Variants in PTPRD observed in about 807,000 individuals in gnomAD.
PTPRD encodes protein tyrosine phosphatase receptor type D.
PTPRD carries 34 observed loss-of-function variants against 214.5 expected under a neutral mutation model. That is an observed-to-expected ratio of 0.16 (90% CI 0.12 to 0.21). PTPRD has a LOEUF of 0.21. Among genes scored for constraint, PTPRD ranks in the 10% least tolerant of loss-of-function variants. The probability of loss-of-function intolerance (pLI) is 1.00; values close to 1 mark genes in which losing one functional copy is unlikely to be tolerated. For missense variants in PTPRD, 2,545 were observed against 2,398.7 expected, an observed-to-expected ratio of 1.06 and a Z score of -1.27; for synonymous variants, 1,128 against 845.7, an observed-to-expected ratio of 1.33 and a Z score of -5.79.
intron 4 of PTPRD, among the ~76,000 whole-genome samples, chr9:9,978,607 G>A (rs35339920): frequency 0.15 from 23,320 of 151,980 alleles, 2,228 homozygotes; most frequent in African/African-American, 0.25. Context: ...CTTCAGTCCC[G>A]CAGAAAGAAC....
At chr9:9,847,622 G>C (rs984468164) in intron 5 of PTPRD, among the ~76,000 whole-genome samples, 1 of 152,124 alleles carries the variant, frequency 6.6e-6, no homozygotes, top group East Asian at 1.9e-4. Context: ...AGTTAGCTAA[G>C]TACTCTCAAC....
intron 11 of PTPRD, among the ~76,000 whole-genome samples, chr9:8,903,020 G>T (rs2098682350): frequency 6.6e-6 from 1 of 152,058 alleles, no homozygotes; most frequent in Admixed American, 6.6e-5. Context: ...ATCTTATTTT[G>T]TTCAAATTAT....
At chr9:8,733,755 C>T (rs1386634856) in intron 12 of PTPRD, 25 bp downstream of exon 12, 5 of 1,551,484 alleles carry the variant, frequency 3.2e-6, no homozygotes, top group Non-Finnish European at 4.4e-6. Context: ...GTCACAGCCC[C>T]CTAGAGAAGG....
At chr9:9,794,132 C>T (rs899441185) in intron 5 of PTPRD, among the ~76,000 whole-genome samples, 5 of 149,376 alleles carry the variant, frequency 3.3e-5, no homozygotes, top group African/African-American at 1.2e-4. Flanking sequence ...TCTATTAAAA[C>T]AATACAATGA....
At chr9:9,524,690 A>C (rs994850789) in intron 8 of PTPRD, among the ~76,000 whole-genome samples, 42 of 152,298 alleles carry the variant, frequency 2.8e-4, no homozygotes, top group Middle Eastern at 3.4e-3. Flanking sequence ...TTTTGTCTTT[A>C]TTGATCCTGA....
chr9:9,938,478 A>G (rs946936495), intron 5 of PTPRD, 29 bp downstream of exon 5: 1 of 152,134 alleles, frequency 6.6e-6, no homozygotes, highest in African/African-American at 2.4e-5. Flanking sequence ...GTCATGGGAA[A>G]CTAGCATACC....
intron 3 of PTPRD, among the ~76,000 whole-genome samples, chr9:10,324,729 T>C (rs1264299746): frequency 2.0e-5 from 3 of 152,072 alleles, no homozygotes; most frequent in Non-Finnish European, 4.4e-5. Flanking sequence ...CTCAGTCTTT[T>C]TGTATAACCA....
chr9:8,966,435 C>T (rs1235967840), intron 11 of PTPRD, among the ~76,000 whole-genome samples: 1 of 150,180 alleles, frequency 6.7e-6, no homozygotes, highest in Non-Finnish European at 1.5e-5. Flanking sequence ...AAAAAAGCAA[C>T]AAAAAACAGA....
At chr9:9,966,538 TCTCC>T (rs75836171) in intron 4 of PTPRD, among the ~76,000 whole-genome samples, 6,067 of 152,224 alleles carry the variant, frequency 0.04, 144 homozygotes, top group Non-Finnish European at 0.058. Context: ...AAAATAAGGA[TCTCC>T]ACAAAAAGAT....
At chr9:10,487,181 G>C (rs935528032) in intron 2 of PTPRD, among the ~76,000 whole-genome samples, 2 of 151,930 alleles carry the variant, frequency 1.3e-5, no homozygotes, top group Non-Finnish European at 2.9e-5. Context: ...CAGTCTATGG[G>C]TACCCTTATA....
intron 2 of PTPRD, among the ~76,000 whole-genome samples, chr9:10,565,049 A>G (rs1161991124): frequency 2.0e-5 from 3 of 152,108 alleles, no homozygotes; most frequent in Admixed American, 6.6e-5. Flanking sequence ...CTAATGTAGC[A>G]TATTTTTTAT....
chr9:10,131,530 C>T (rs1192659331), intron 3 of PTPRD, among the ~76,000 whole-genome samples: 1 of 152,152 alleles, frequency 6.6e-6, no homozygotes, highest in Non-Finnish European at 1.5e-5. Context: ...CAAAATAACA[C>T]ATGTAATGTC....
In PTPRD at chr9:9,570,594, TAAG is replaced by T. The variant is rs563535111; in HGVS notation, c.-237+4135_-237+4137del. The stretch of plus-strand genomic sequence containing the variant: ...TCTTTTTGGAATGGCTGGTGGAGGA[TAAG>T]AAGTATTAGTGCTACTTAAAGTCTT... On this transcript the variant is annotated intron_variant, in intron 8 of 45. Coordinates refer to ENST00000381196, the MANE Select transcript of PTPRD (RefSeq NM_002839.4). 2.1e-3 allele frequency among the ~76,000 whole-genome samples: 316 copies of T among 151,694 alleles called. 2 individuals are homozygous for T. Among genetic ancestry groups the T allele is most frequent in the African/African-American group, 6.8e-3 (284 of 41,524 alleles).
At chr9:10,508,711 C>T (rs540258619) in intron 2 of PTPRD, among the ~76,000 whole-genome samples, 1 of 152,002 alleles carries the variant, frequency 6.6e-6, no homozygotes, top group Non-Finnish European at 1.5e-5. Context: ...AAACAAACAC[C>T]GCATGTTCTC....
At chr9:8,437,178 C>G in intron 34 of PTPRD, 1 of 1,505,968 alleles carries the variant, frequency 6.6e-7, no homozygotes, top group Non-Finnish European at 8.9e-7. Context: ...ATGACTTATG[C>G]ATAATCAAGG....
intron 3 of PTPRD, among the ~76,000 whole-genome samples, chr9:10,132,437 A>G (rs10958908): frequency 0.095 from 14,533 of 152,196 alleles, 775 homozygotes; most frequent in East Asian, 0.13. Flanking sequence ...CTGCCATATG[A>G]TGAGGACTAC....
chr9:10,394,953 T>C (rs2098139002), intron 2 of PTPRD, among the ~76,000 whole-genome samples: 2 of 131,730 alleles, frequency 1.5e-5, no homozygotes, highest in African/African-American at 6.9e-5. Context: ...CATTTTTTCT[T>C]TTTCTTTTTT....
chr9:9,086,704 T>G (rs1249277184), intron 10 of PTPRD, among the ~76,000 whole-genome samples: 1 of 152,174 alleles, frequency 6.6e-6, no homozygotes, highest in African/African-American at 2.4e-5. Flanking sequence ...TGACTAACAA[T>G]GGACATCTAT....
intron 7 of PTPRD, among the ~76,000 whole-genome samples, chr9:9,727,773 A>G (rs1050939734): frequency 2.0e-5 from 3 of 152,204 alleles, no homozygotes. Flanking sequence ...TGGTGAAATT[A>G]GGTGAAAAGC....
Sources: gnomAD v4.1 joint callset for allele counts (sites outside exome capture counted in the v4.1 genomes callset) on GRCh38, gnomAD v4.1.1 for gene constraint, MANE v1.5 for transcripts, NCBI Gene and HGNC (gene_info 2026-07-23, HGNC 2026-07-21) for gene names.